Variants in SGSM1 observed in about 807,000 individuals in gnomAD.
SGSM1 encodes RUN and TBC1 domain containing 2.
A neutral mutation model predicts 133.8 loss-of-function variants in SGSM1; 73 were observed. That is an observed-to-expected ratio of 0.55 (90% CI 0.45 to 0.66). The LOEUF is 0.66. Ranked by LOEUF, SGSM1 falls within the 30% of genes least tolerant of loss-of-function variation. The pLI is 0.00. For missense variants in SGSM1, 1,213 were observed against 1,448.1 expected (o/e 0.84, Z 2.64); for synonymous variants, 563 against 573.0 (o/e 0.98, Z 0.25).
intron 2 of SGSM1, among the ~76,000 whole-genome samples, chr22:24,817,742 G>A (rs1024318954): frequency 2.6e-5 from 4 of 152,196 alleles, no homozygotes; most frequent in African/African-American, 9.6e-5. Flanking sequence ...CTTGTTTGGG[G>A]CTGGTGTAAC....
chr22:24,819,998 G>A (rs978510803), intron 2 of SGSM1, among the ~76,000 whole-genome samples: 1 of 152,098 alleles, frequency 6.6e-6, no homozygotes, highest in African/African-American at 2.4e-5. Flanking sequence ...AGGCCCCTGG[G>A]TCTGTGGAGA....
chr22:24,857,667 G>T (rs1930887560), intron 8 of SGSM1, among the ~76,000 whole-genome samples: 1 of 152,068 alleles, frequency 6.6e-6, no homozygotes, highest in South Asian at 2.1e-4. Flanking sequence ...ATCACTTTTT[G>T]ACTTAGAGTC....
rs148874295 is a variant in SGSM1, at chr22:24,893,706, C to T, written c.1953+93C>T. The T allele has an allele frequency of 8.4e-5, 111 of 1,325,174 alleles. No individual in the cohort carries two copies. The African/African-American group carries it at 1.2e-3, about 14-fold the overall frequency. 82.1% of individuals were successfully genotyped at this position (1,325,174 alleles called of 1,614,324 possible). On this transcript the variant is annotated intron_variant, in intron 17 of 24. Coordinates refer to ENST00000400358, the MANE Select transcript of SGSM1 (RefSeq NM_001098497.3). ...TCTAAGAGTGGTGAAGACTGGGTGT[C>T]TGGGGCCTGGTGACAGTCTCACCCC...
intron 4 of SGSM1, among the ~76,000 whole-genome samples, chr22:24,849,986 T>A (rs16979077): frequency 6.6e-6 from 1 of 152,156 alleles, no homozygotes; most frequent in Non-Finnish European, 1.5e-5. Flanking sequence ...GAAGGATCTA[T>A]ACTCCAAGAC....
chr22:24,867,081 G>T lies in SGSM1; in HGVS notation c.927-12G>T. 6.2e-7 allele frequency: 1 copy of T among 1,612,472 alleles called. No homozygotes were observed. Among genetic ancestry groups the T allele is most frequent in the Admixed American group, 1.7e-5 (1 of 59,846 alleles). On this transcript the variant is annotated splice_polypyrimidine_tract_variant and intron_variant, in intron 9 of 24. Transcript: ENST00000400358. Reference sequence around the variant, plus strand: ...AGAAGTCCTGCAAGCCTGACCCTCCGTCCGCTTCCAGCGTCTACTGGGACT... The same window carrying T: ...AGAAGTCCTGCAAGCCTGACCCTCCTTCCGCTTCCAGCGTCTACTGGGACT...
chr22:24,903,995 AAAGG>A (rs1254153908), intron 20 of SGSM1, among the ~76,000 whole-genome samples: 14,233 of 130,916 alleles, frequency 0.11, 710 homozygotes, highest in South Asian at 0.2. Flanking sequence ...AAAAAAAAAA[AAAGG>A]AAAAAGAAAA....
At chr22:24,816,604 A>G (rs1334422469) in intron 2 of SGSM1, among the ~76,000 whole-genome samples, 2 of 151,932 alleles carry the variant, frequency 1.3e-5, no homozygotes, top group Non-Finnish European at 2.9e-5. Context: ...ACAGGGTTTC[A>G]CCATATTGGC....
chr22:24,841,054 G>A (rs556742364), intron 2 of SGSM1, among the ~76,000 whole-genome samples: 2 of 151,934 alleles, frequency 1.3e-5, no homozygotes, highest in Admixed American at 6.6e-5. Context: ...GTTTCACCGT[G>A]TTAGCCAAGA....
chr22:24,812,373 A>G (rs980556720), intron 2 of SGSM1, among the ~76,000 whole-genome samples: 1 of 152,104 alleles, frequency 6.6e-6, no homozygotes, highest in African/African-American at 2.4e-5. Flanking sequence ...GAGAGATGTT[A>G]TGCAGCTCGC....
At chr22:24,826,090 G>A (rs865893455) in intron 2 of SGSM1, among the ~76,000 whole-genome samples, 72 of 152,310 alleles carry the variant, frequency 4.7e-4, no homozygotes, top group African/African-American at 1.5e-3. Flanking sequence ...GGTTGTAAAA[G>A]CAAAAGATAC....
At chr22:24,902,625 T>C (rs2057045836) in intron 20 of SGSM1, among the ~76,000 whole-genome samples, 1 of 152,058 alleles carries the variant, frequency 6.6e-6, no homozygotes, top group South Asian at 2.1e-4. Context: ...GTTAGAGGGT[T>C]GTAGTGAGCT....
At chr22:24,841,054 G>C (rs556742364) in intron 2 of SGSM1, among the ~76,000 whole-genome samples, 2 of 151,930 alleles carry the variant, frequency 1.3e-5, no homozygotes, top group Admixed American at 6.6e-5. Context: ...GTTTCACCGT[G>C]TTAGCCAAGA....
At chr22:24,851,346 A>G (rs1209412324) in intron 5 of SGSM1, among the ~76,000 whole-genome samples, 2 of 149,910 alleles carry the variant, frequency 1.3e-5, no homozygotes, top group African/African-American at 4.9e-5. Flanking sequence ...TATCATCGCA[A>G]GAGCAGTGAG....
chr22:24,901,658 C>A (rs1006487285), intron 19 of SGSM1, among the ~76,000 whole-genome samples, 175 bp from the exon 20 acceptor site: 2 of 152,062 alleles, frequency 1.3e-5, no homozygotes, highest in South Asian at 2.1e-4. Context: ...ATTAAACACA[C>A]CCTCCCAGAA....
rs1931053332 is a variant in SGSM1, at chr22:24,860,377, G to A, written c.926+537G>A. Among the ~76,000 whole-genome samples the A allele has an allele frequency of 5.9e-5, 9 of 152,280 alleles. No individual in the cohort carries two copies. The South Asian group carries it at 1.9e-3, about 32-fold the overall frequency. Reference sequence around the variant, plus strand: ...CTTTAGGAGGAACAAAGAAAGCCATGGTGCAGAGGTGTGGCTGGTTCAAAT... The same window carrying A: ...CTTTAGGAGGAACAAAGAAAGCCATAGTGCAGAGGTGTGGCTGGTTCAAAT... On this transcript the variant is annotated intron_variant, in intron 9 of 24. Coordinates refer to ENST00000400358, the MANE Select transcript of SGSM1 (RefSeq NM_001098497.3).
intron 5 of SGSM1, among the ~76,000 whole-genome samples, chr22:24,854,094 A>T (rs879658939): frequency 6.6e-6 from 1 of 152,180 alleles, no homozygotes; most frequent in Non-Finnish European, 1.5e-5. Flanking sequence ...AATATGTGGG[A>T]ATTCTGGGAG....
intron 13 of SGSM1, among the ~76,000 whole-genome samples, chr22:24,878,961 G>C (rs1932172267): frequency 6.6e-6 from 1 of 152,218 alleles, no homozygotes; most frequent in Non-Finnish European, 1.5e-5. Context: ...AGGAATCTCT[G>C]TTTCTTCAGC....
intron 2 of SGSM1, chr22:24,814,190 T>C (rs1285819302): frequency 6.6e-6 from 1 of 152,086 alleles, no homozygotes; most frequent in Non-Finnish European, 1.5e-5. Context: ...AAGTAGCTGG[T>C]AAGACTTTTG....
chr22:24,827,694 C>T lies in SGSM1; in HGVS notation c.64-17203C>T, dbSNP rs563518945. Among the ~76,000 whole-genome samples the T allele has an allele frequency of 2.2e-3, 339 of 152,086 alleles. 1 individual carries two copies. The highest frequency in any genetic ancestry group is 7.8e-3 in the African/African-American group (325 of 41,480). The stretch of plus-strand genomic sequence containing the variant: ...CAGGCACCATCTCCAGGATCTCATT[C>T]AGGCCTCCTCACCTTACCCCTAAGA... On this transcript the variant is annotated intron_variant, in intron 2 of 24. Coordinates refer to ENST00000400358, the MANE Select transcript of SGSM1 (RefSeq NM_001098497.3).
Sources: gnomAD v4.1 joint callset for allele counts (sites outside exome capture counted in the v4.1 genomes callset) on GRCh38, gnomAD v4.1.1 for gene constraint, MANE v1.5 for transcripts, NCBI Gene and HGNC (gene_info 2026-07-23, HGNC 2026-07-21) for gene names.